Variants in HS3ST3A1 observed in about 807,000 individuals in gnomAD.
HS3ST3A1 encodes the protein heparan sulfate-glucosamine 3-sulfotransferase 3A1.
HS3ST3A1 carries 19 observed loss-of-function variants against 25.7 expected under a neutral mutation model. The observed-to-expected ratio is 0.74, with a 90% CI of 0.52 to 1.08. The LOEUF is 1.08. HS3ST3A1 is among the 50% of genes least tolerant of loss of function. HS3ST3A1 has a pLI of 0.00. For synonymous variants in HS3ST3A1, 226 were observed against 278.6 expected (o/e 0.81, Z 1.88); for missense variants, 459 against 594.3 (o/e 0.77, Z 2.37).
intron 1 of HS3ST3A1, among the ~76,000 whole-genome samples, chr17:13,500,911 G>T (rs1193775954): frequency 1.3e-5 from 2 of 152,158 alleles, no homozygotes; most frequent in African/African-American, 4.8e-5. Context: ...ACAAAATGTG[G>T]TTTATGCATA....
intron 1 of HS3ST3A1, among the ~76,000 whole-genome samples, chr17:13,544,892 C>T (rs1201252514): frequency 6.6e-6 from 1 of 152,158 alleles, no homozygotes; most frequent in Non-Finnish European, 1.5e-5. Context: ...AATGAAATGA[C>T]GATGCTAAGC....
chr17:13,547,486 G>T (rs932057344), intron 1 of HS3ST3A1, among the ~76,000 whole-genome samples: 1 of 152,154 alleles, frequency 6.6e-6, no homozygotes, highest in Admixed American at 6.5e-5. Flanking sequence ...TCATGTCTAT[G>T]TAATGGAACT....
intron 1 of HS3ST3A1, among the ~76,000 whole-genome samples, chr17:13,585,525 T>G (rs1908235623): frequency 6.6e-6 from 1 of 151,874 alleles, no homozygotes; most frequent in African/African-American, 2.4e-5. Flanking sequence ...TTTTTTCCTT[T>G]TTAAAATGCA....
intron 1 of HS3ST3A1, among the ~76,000 whole-genome samples, chr17:13,515,321 G>A (rs1381553445): frequency 1.3e-5 from 2 of 152,022 alleles, no homozygotes; most frequent in African/African-American, 4.8e-5. Context: ...CATCATACCT[G>A]GCTAATTTTT....
intron 1 of HS3ST3A1, among the ~76,000 whole-genome samples, chr17:13,570,003 A>G (rs1907761545): frequency 6.6e-6 from 1 of 152,220 alleles, no homozygotes; most frequent in Admixed American, 6.5e-5. Context: ...TCCCTCTTGG[A>G]AAGTGGCACT....
rs1908062823 is a variant in HS3ST3A1, at chr17:13,579,912, C to T, written c.599+20619G>A. Among the ~76,000 whole-genome samples, 3 of 124,792 alleles carry T rather than the reference C, an allele frequency of 2.4e-5. No homozygotes were observed. In the South Asian group the frequency reaches 7.7e-4, roughly 32 times the overall value. The allele number at this position is 124,792 out of a possible 152,430, so 81.9% of individuals were successfully genotyped here. A position where few individuals can be genotyped will look rare whatever the true frequency, so the allele number is the denominator to read the frequency against. Reference sequence around the variant, plus strand: ...GCAGTGAGCTGAGATCGTGCCCCTGCACTCAGCCTGGGTGACAGAGTGACT... The same window carrying T: ...GCAGTGAGCTGAGATCGTGCCCCTGTACTCAGCCTGGGTGACAGAGTGACT... On this transcript the variant is annotated intron_variant, in intron 1 of 1. Coordinates refer to ENST00000284110, the MANE Select transcript of HS3ST3A1 (RefSeq NM_006042.3).
rs9907736 is a variant in HS3ST3A1, at chr17:13,566,681, C to T, written c.599+33850G>A. Among the ~76,000 whole-genome samples the T allele has an allele frequency of 1.4e-3, 216 of 152,228 alleles. 1 individual carries two copies. The highest frequency in any genetic ancestry group is 4.8e-3 in the African/African-American group (199 of 41,560). ...TGATAAGAAAGTGAAACAGCCTTAT[C>T]ACTGATCTGGACAGAAGATCAAACC... On this transcript the variant is annotated intron_variant, in intron 1 of 1. Transcript: ENST00000284110.
At chr17:13,540,921 T>C (rs370864255) in intron 1 of HS3ST3A1, among the ~76,000 whole-genome samples, 31 of 152,356 alleles carry the variant, frequency 2.0e-4, no homozygotes, top group South Asian at 1.9e-3. Flanking sequence ...TCATTTGAAC[T>C]AGGAGTTCTA....
chr17:13,587,322 C>A (rs149671994), intron 1 of HS3ST3A1, among the ~76,000 whole-genome samples: 461 of 152,162 alleles, frequency 3.0e-3, no homozygotes, highest in Non-Finnish European at 5.3e-3. Flanking sequence ...GGTGTGGTGG[C>A]GTGCGCCTGT....
At chr17:13,566,049 T>C (rs908317803) in intron 1 of HS3ST3A1, among the ~76,000 whole-genome samples, 1 of 152,238 alleles carries the variant, frequency 6.6e-6, no homozygotes, top group African/African-American at 2.4e-5. Context: ...AGGCATACCT[T>C]GCCTTATTGA....
chr17:13,537,885 T>G (rs1248033285), intron 1 of HS3ST3A1, among the ~76,000 whole-genome samples: 1 of 152,216 alleles, frequency 6.6e-6, no homozygotes, highest in Non-Finnish European at 1.5e-5. Flanking sequence ...AAATCTTTAT[T>G]TCATCAGCCT....
chr17:13,584,497 G>A (rs1598433222), intron 1 of HS3ST3A1, among the ~76,000 whole-genome samples: 2 of 67,504 alleles, frequency 3.0e-5, no homozygotes, highest in Non-Finnish European at 3.8e-5. Flanking sequence ...GAGGGAGGGA[G>A]GCAAAGAAGG....
intron 1 of HS3ST3A1, among the ~76,000 whole-genome samples, chr17:13,562,405 GCA>G (rs1413505969): frequency 1.3e-5 from 2 of 152,122 alleles, no homozygotes; most frequent in Non-Finnish European, 1.5e-5. Flanking sequence ...GGCTGCTCGG[GCA>G]CACACGAGGG....
chr17:13,586,096 C>G (rs1379552913), intron 1 of HS3ST3A1, among the ~76,000 whole-genome samples: 1 of 152,032 alleles, frequency 6.6e-6, no homozygotes, highest in Non-Finnish European at 1.5e-5. Flanking sequence ...ATCCGCCCGC[C>G]TCAGCCTCCC....
rs144989956 is a variant in HS3ST3A1 at position 13,596,618 on chromosome 17, C to A, written c.599+3913G>T. Among the ~76,000 whole-genome samples the A allele has an allele frequency of 9.9e-5, 15 of 152,160 alleles. No homozygotes were observed. The East Asian group carries it at 2.9e-3, about 30-fold the overall frequency. On this transcript the variant is annotated intron_variant, in intron 1 of 1. Transcript: ENST00000284110. Reference sequence around the variant, plus strand: ...TAGACAAGTACGCTAGACTCAGAGTCCAAAGTAACATCTCACTCTCTTCCT... The same window carrying A: ...TAGACAAGTACGCTAGACTCAGAGTACAAAGTAACATCTCACTCTCTTCCT...
chr17:13,506,179 G>A (rs1328460038), intron 1 of HS3ST3A1, among the ~76,000 whole-genome samples: 1 of 150,114 alleles, frequency 6.7e-6, no homozygotes, highest in Non-Finnish European at 1.5e-5. Flanking sequence ...GATGGATCAT[G>A]TATCTCCATG....
rs530951856 is a variant in HS3ST3A1, at chr17:13,564,987, G to A, written c.599+35544C>T. ...TCTGCCTGCTTTGGCCTCCCAAAGT[G>A]CTGGGATTACAGACATGAGCCATCG... On this transcript the variant is annotated intron_variant, in intron 1 of 1. Coordinates refer to ENST00000284110, the MANE Select transcript of HS3ST3A1 (RefSeq NM_006042.3). Among the ~76,000 whole-genome samples the A allele has an allele frequency of 3.5e-3, 530 of 152,212 alleles. 1 individual carries two copies. Among genetic ancestry groups the A allele is most frequent in the Non-Finnish European group, 6.4e-3 (432 of 68,014 alleles).
Position 13,532,027 on chromosome 17 carries a change from G to T in HS3ST3A1, c.600-35209C>A, listed in dbSNP as rs146972659. 1.8e-4 allele frequency among the ~76,000 whole-genome samples: 27 copies of T among 152,298 alleles called. No individual in the cohort carries two copies. In the East Asian group the frequency reaches 5.2e-3, roughly 29 times the overall value. Reference sequence around the variant, plus strand: ...TTCAGAAGCTGAACACTTAAAAGATGAATGATCAGAGGCCAGGCTTGAATT... The same window carrying T: ...TTCAGAAGCTGAACACTTAAAAGATTAATGATCAGAGGCCAGGCTTGAATT... On this transcript the variant is annotated intron_variant, in intron 1 of 1. Coordinates refer to ENST00000284110, the MANE Select transcript of HS3ST3A1 (RefSeq NM_006042.3).
intron 1 of HS3ST3A1, among the ~76,000 whole-genome samples, chr17:13,563,340 T>C (rs1395564442): frequency 6.6e-6 from 1 of 152,046 alleles, no homozygotes; most frequent in African/African-American, 2.4e-5. Context: ...AGGGACAACA[T>C]ATTCTGGGCT....
Sources: allele counts gnomAD v4.1 joint callset (sites outside exome capture counted in the v4.1 genomes callset), GRCh38; gene constraint gnomAD v4.1.1; transcripts MANE v1.5; gene names NCBI Gene and HGNC (gene_info 2026-07-23, HGNC 2026-07-21).